The following WTIP variants were observed in gnomAD, a reference collection of about 807,000 sequenced individuals.
The protein encoded by WTIP is Wilms tumor protein 1-interacting protein.
WTIP carries 23 observed loss-of-function variants against 41.7 expected under a neutral mutation model. The observed-to-expected ratio is 0.55, with a 90% confidence interval of 0.40 to 0.78. WTIP has a LOEUF of 0.78. WTIP is among the 30% of genes least tolerant of loss of function. WTIP has a pLI of 0.00. For missense variants in WTIP, 619 were observed against 610.5 expected, an observed-to-expected ratio of 1.01 and a Z score of -0.15; for synonymous variants, 314 against 269.9, an observed-to-expected ratio of 1.16 and a Z score of -1.60.
chr19:34,500,012 A>C, intron 7 of WTIP, 117 bp from the exon 8 acceptor site: 2 of 1,422,694 alleles, frequency 1.4e-6, no homozygotes, highest in South Asian at 1.4e-5. Flanking sequence ...AAGAGTCTTC[A>C]TGTTGTTTTG....
At chr19:34,495,916 G>A in intron 7 of WTIP, 145 bp downstream of exon 7, 1 of 752,348 alleles carries the variant, frequency 1.3e-6, no homozygotes, top group East Asian at 2.9e-5. Flanking sequence ...CAGCACTTTG[G>A]GAGGCTGAGG....
chr19:34,486,871 A>G lies in WTIP; in HGVS notation c.668-3505A>G, dbSNP rs552756540. Among the ~76,000 whole-genome samples, 158 of 149,010 alleles carry G rather than the reference A, an allele frequency of 1.1e-3. 1 individual carries two copies. Among genetic ancestry groups the G allele is most frequent in the South Asian group, 8.2e-3 (38 of 4,640 alleles). ...GAGGACAAGGGTCCTTCCATCACCA[A>G]CCTCCACCTCCTGCACCTTCAGTTC... On this transcript the variant is annotated intron_variant, in intron 1 of 7. Coordinates refer to ENST00000590071, the MANE Select transcript of WTIP (RefSeq NM_001080436.2).
Position 34,482,394 on chromosome 19 carries a change from C to A in WTIP, c.420C>A (p.Ala140=). The A allele has an allele frequency of 7.3e-7, 1 of 1,367,316 alleles. No individual in the cohort carries two copies. Among genetic ancestry groups the A allele is most frequent in the Non-Finnish European group, 9.5e-7 (1 of 1,057,754 alleles). The allele number at this position is 1,367,316 out of a possible 1,614,324, so 84.7% of individuals were successfully genotyped here. Residue 140 remains alanine, a synonymous_variant, in exon 1 of 8, where the codon GCC becomes GCA. Coordinates refer to ENST00000590071, the MANE Select transcript of WTIP (RefSeq NM_001080436.2). ...CCGGGCCGCCTTCGGTGGGCAGCGCCCGCTCCAGCGTTTCCAGCCTCGGCT... is the reference window on the plus strand; with the variant it reads ...CCGGGCCGCCTTCGGTGGGCAGCGCACGCTCCAGCGTTTCCAGCCTCGGCT... ...PGPGPPSVGS[A]RSSVSSLGSR...
rs746253127 is a variant in WTIP, at chr19:34,493,058, C to T, written c.791C>T (p.Ala264Val). ...DSCGRRLRGK[A>V]FYNVGEKVYC... ...GCAGGGAGACGACTCCGTGGGAAGG[C>T]GTTCTACAACGTGGGTGAGAAAGTG... The change falls in exon 3 of 8, where the codon GCG (alanine) becomes GTG (valine). Residue 264 changes from alanine (A) to valine (V), a missense_variant. By Grantham distance (64) the Ala-to-Val change is moderately conservative (BLOSUM62 0). Transcript: ENST00000590071. This position sits in a 1 kb window ranked among gnomAD's most constrained non-coding sequence, Gnocchi z 4.1. 2.6e-5 allele frequency: 42 copies of T among 1,613,776 alleles called. No homozygotes were observed. The highest frequency in any genetic ancestry group is 3.3e-5 in the Non-Finnish European group (39 of 1,179,872).
At chr19:34,490,286 A>G (rs2902629) in intron 1 of WTIP, 90 bp from the exon 2 acceptor site, 330,522 of 1,215,110 alleles carry the variant, frequency 0.27, 51,208 homozygotes, top group African/African-American at 0.63. Context: ...CCCCAGGTCA[A>G]GCGGGTGGGC....
intron 1 of WTIP, among the ~76,000 whole-genome samples, chr19:34,487,480 C>A (rs924342513): frequency 6.6e-6 from 1 of 152,022 alleles, no homozygotes; most frequent in Non-Finnish European, 1.5e-5. Flanking sequence ...CTGGGCAGAG[C>A]AGGGGGTACC....
chr19:34,500,177 C>T lies in WTIP; in HGVS notation c.1201C>T (p.Leu401=). The change falls in exon 8 of 8, where the codon CTG becomes TTG. Residue 401 remains leucine, a synonymous_variant. Coordinates refer to ENST00000590071, the MANE Select transcript of WTIP (RefSeq NM_001080436.2). ...SGEEGRRCYP[L]AGHLLCRRCH... is the part of the protein sequence containing the mutation. ...GGAGGAGGGACGCCGTTGCTATCCC[C>T]TGGCGGGCCACCTACTGTGTCGTCG... 2 of 1,603,282 alleles carry T rather than the reference C, an allele frequency of 1.2e-6. No homozygotes were observed. Among genetic ancestry groups the T allele is most frequent in the Non-Finnish European group, 1.7e-6 (2 of 1,179,778 alleles).
chr19:34,487,802 AG>A (rs895175832), intron 1 of WTIP, among the ~76,000 whole-genome samples: 9 of 150,180 alleles, frequency 6.0e-5, no homozygotes, highest in African/African-American at 2.2e-4. Context: ...GGGCAGGTGG[AG>A]GCCATCTTCA....
At position 34,501,635 on chromosome 19, in the gene WTIP, A is replaced by C. The variant is rs1398666310; in HGVS notation, c.*1366A>C. ...GGGGCTGGGCTAGGCTCCGGGAACC[A>C]GCAGGGCTGTCCAGGCCGAGCCCAA... On this transcript the variant is annotated 3_prime_UTR_variant, in exon 8 of 8. Coordinates refer to ENST00000590071, the MANE Select transcript of WTIP (RefSeq NM_001080436.2). 6.6e-6 allele frequency: 1 copy of C among 152,360 alleles called. No homozygotes were observed. The highest frequency in any genetic ancestry group is 2.4e-5 in the African/African-American group (1 of 41,478). The allele number at this position is 152,360 out of a possible 1,614,324, so 9.4% of individuals were successfully genotyped here. A position where few individuals can be genotyped will look rare whatever the true frequency, so the allele number is the denominator to read the frequency against.
intron 7 of WTIP, among the ~76,000 whole-genome samples, chr19:34,496,679 G>A (rs1599960678): frequency 6.6e-6 from 1 of 151,664 alleles, no homozygotes; most frequent in Admixed American, 6.6e-5. Flanking sequence ...GGGGGTTGGG[G>A]GTTGGGGGTT....
chr19:34,493,171 C>T lies in WTIP; in HGVS notation c.837+67C>T, dbSNP rs2075834483. 8.7e-6 allele frequency: 14 copies of T among 1,612,530 alleles called. No homozygotes were observed. Among genetic ancestry groups the T allele is most frequent in the East Asian group, 2.2e-5 (1 of 44,880 alleles). On this transcript the variant is annotated intron_variant, in intron 3 of 7. Coordinates refer to ENST00000590071, the MANE Select transcript of WTIP (RefSeq NM_001080436.2). The surrounding 1 kb of genome is among the most constrained non-coding windows in gnomAD (Gnocchi z 4.1). The stretch of plus-strand genomic sequence containing the variant: ...TGGGGCAGGGACCCTCATTCTGACT[C>T]GAGTGGAGACCTGAGGCCAGGAGGC...
intron 6 of WTIP, 34 bp from the exon 7 acceptor site, chr19:34,495,669 G>A (rs781340460): frequency 1.9e-6 from 3 of 1,612,320 alleles, no homozygotes; most frequent in Non-Finnish European, 1.7e-6. Flanking sequence ...GTCCCCACAT[G>A]CTCATCGTGT....
intron 7 of WTIP, among the ~76,000 whole-genome samples, 153 bp from the exon 8 acceptor site, chr19:34,499,976 C>T (rs896135088): frequency 6.6e-6 from 1 of 152,164 alleles, no homozygotes; most frequent in African/African-American, 2.4e-5. Context: ...GCTGGGATTA[C>T]AGGTGTGAGC....
intron 2 of WTIP, among the ~76,000 whole-genome samples, chr19:34,491,901 C>A (rs1170945772): frequency 1.3e-5 from 2 of 152,150 alleles, no homozygotes; most frequent in African/African-American, 2.4e-5. Context: ...GCCTTGGCCT[C>A]CCAAAGTGCT....
intron 1 of WTIP, among the ~76,000 whole-genome samples, chr19:34,487,470 C>G (rs1238084224): frequency 2.0e-5 from 3 of 152,160 alleles, no homozygotes; most frequent in African/African-American, 7.2e-5. Flanking sequence ...ATGGGAGGCC[C>G]TGGGCAGAGC....
At chr19:34,500,053 G>A (rs933951876) in intron 7 of WTIP, 76 bp from the exon 8 acceptor site, 6 of 1,549,768 alleles carry the variant, frequency 3.9e-6, no homozygotes, top group Non-Finnish European at 5.2e-6. Flanking sequence ...CCTCCCCTCC[G>A]TCCCTCCCCC....
chr19:34,493,392 C>G lies in WTIP; in HGVS notation c.900+67C>G. ...GTGGAGTCTGAGGACTCTACCGTCT[C>G]CCCTGCTCCAGACCTGCCAGGGGTT... is the stretch of plus-strand genomic sequence containing the variant. On this transcript the variant is annotated intron_variant, in intron 4 of 7. Transcript: ENST00000590071. This position sits in a 1 kb window ranked among gnomAD's most constrained non-coding sequence, Gnocchi z 4.1. 1 of 1,593,732 alleles carries G rather than the reference C, an allele frequency of 6.3e-7. No individual in the cohort carries two copies.
At chr19:34,492,999 A>G (rs1331957281) in intron 2 of WTIP, 38 bp from the exon 3 acceptor site, 3 of 1,604,294 alleles carry the variant, frequency 1.9e-6, no homozygotes, top group African/African-American at 2.7e-5. Context: ...CCTGGTCCCC[A>G]GCGTTCCAGG....
chr19:34,484,854 C>T (rs1386889430), intron 1 of WTIP, among the ~76,000 whole-genome samples: 1 of 150,026 alleles, frequency 6.7e-6, no homozygotes, highest in Non-Finnish European at 1.5e-5. Flanking sequence ...CACTTGAACC[C>T]AGGAGTTCCA....
Sources: allele counts gnomAD v4.1 joint callset (sites outside exome capture counted in the v4.1 genomes callset), GRCh38; gene constraint gnomAD v4.1.1; non-coding constraint Gnocchi (gnomAD v3.1); transcripts MANE v1.5; gene names NCBI Gene and HGNC (gene_info 2026-07-23, HGNC 2026-07-21).